ITGAE: variants seen among roughly 807,000 people sequenced by gnomAD.
ITGAE encodes integrin subunit alpha E.
ITGAE carries 99 observed loss-of-function variants against 136.5 expected under a neutral mutation model. That is an observed-to-expected ratio of 0.73 (90% CI 0.62 to 0.86). The LOEUF (loss-of-function observed/expected upper bound fraction) is 0.86. Ranked by LOEUF, ITGAE falls within the 40% of genes least tolerant of loss-of-function variation. The probability of loss-of-function intolerance (pLI) is 0.00; values close to 1 mark genes in which losing one functional copy is unlikely to be tolerated. For synonymous variants in ITGAE, 613 were observed against 591.8 expected, an observed-to-expected ratio of 1.04 and a Z score of -0.52; for missense variants, 1,447 against 1,515.3, an observed-to-expected ratio of 0.95 and a Z score of 0.75.
At chr17:3,778,670 T>A (rs2052599301) in intron 1 of ITGAE, among the ~76,000 whole-genome samples, 1 of 152,218 alleles carries the variant, frequency 6.6e-6, no homozygotes, top group Non-Finnish European at 1.5e-5. Context: ...AATAGGCTCA[T>A]GAATTCTATT....
chr17:3,782,470 C>T (rs900472308), intron 1 of ITGAE, among the ~76,000 whole-genome samples: 1 of 150,750 alleles, frequency 6.6e-6, no homozygotes, highest in Non-Finnish European at 1.5e-5. Context: ...CAGGATCAAG[C>T]GATTCTCCTG....
chr17:3,800,546 C>T (rs2053229891), intron 1 of ITGAE, among the ~76,000 whole-genome samples: 1 of 152,182 alleles, frequency 6.6e-6, no homozygotes, highest in African/African-American at 2.4e-5. Flanking sequence ...AAATGGGACC[C>T]CCCAGGCAGC....
At chr17:3,718,147 T>G (rs936246180) in intron 29 of ITGAE, 8 of 151,868 alleles carry the variant, frequency 5.3e-5, no homozygotes, top group African/African-American at 1.7e-4. Flanking sequence ...TGGATTTTAT[T>G]CAGGAATCAT....
chr17:3,780,803 C>G lies in ITGAE; in HGVS notation c.35-3143G>C, dbSNP rs73318150. On this transcript the variant is annotated intron_variant, in intron 1 of 30. Coordinates refer to ENST00000263087, the MANE Select transcript of ITGAE (RefSeq NM_002208.5). ...ACAGTCTTTACCTCCAGGGCTCAAT[C>G]CATCCTCCCGCCTCAGCCTCTCAAG... is the stretch of plus-strand genomic sequence containing the variant. 3.2e-3 allele frequency among the ~76,000 whole-genome samples: 490 copies of G among 152,112 alleles called. 1 individual carries two copies. Among genetic ancestry groups the G allele is most frequent in the African/African-American group, 0.011 (454 of 41,488 alleles).
chr17:3,723,766 C>A, intron 26 of ITGAE, 22 bp from the exon 27 acceptor site: 1 of 1,604,884 alleles, frequency 6.2e-7, no homozygotes, highest in Non-Finnish European at 8.5e-7. Context: ...GCCATGACCG[C>A]GACGCGCTGA....
intron 1 of ITGAE, among the ~76,000 whole-genome samples, chr17:3,795,774 CGTGTGTGCAT>C (rs919283276): frequency 3.4e-5 from 5 of 148,304 alleles, no homozygotes; most frequent in Non-Finnish European, 7.4e-5. Flanking sequence ...TGTGTACGTG[CGTGTGTGCAT>C]GTGTGTGCAT....
At chr17:3,721,776 T>C (rs2051055884) in intron 28 of ITGAE, 1 of 152,228 alleles carries the variant, frequency 6.6e-6, no homozygotes, top group Non-Finnish European at 1.5e-5. Context: ...CCGGGTGTGG[T>C]GGCTCATGCC....
At chr17:3,737,605 C>T (rs2051487809) in intron 20 of ITGAE, among the ~76,000 whole-genome samples, 1 of 152,164 alleles carries the variant, frequency 6.6e-6, no homozygotes, top group Non-Finnish European at 1.5e-5. Context: ...GCTGGACACA[C>T]ATCTTAGAGC....
intron 1 of ITGAE, among the ~76,000 whole-genome samples, chr17:3,790,885 T>G (rs1412826981): frequency 6.6e-6 from 1 of 152,114 alleles, no homozygotes; most frequent in Non-Finnish European, 1.5e-5. Context: ...CCGGGCATGG[T>G]GGCTCACGCC....
At chr17:3,754,998 T>G in intron 12 of ITGAE, 119 bp downstream of exon 12, 20 of 112,456 alleles carry the variant, frequency 1.8e-4, no homozygotes, top group Non-Finnish European at 2.1e-4. Context: ...GGCCCCACCC[T>G]CGCCCAGGTA....
At chr17:3,720,535 A>G in intron 28 of ITGAE, 133 bp from the exon 29 acceptor site, 1 of 562,152 alleles carries the variant, frequency 1.8e-6, no homozygotes, top group Non-Finnish European at 3.2e-6. Flanking sequence ...CGTACACAAC[A>G]CTACATAAAG....
chr17:3,726,030 G>A (rs2051203282), intron 26 of ITGAE: 2 of 1,614,124 alleles, frequency 1.2e-6, no homozygotes, highest in African/African-American at 2.7e-5. Context: ...GGATGGGATT[G>A]TGGTTTTCTG....
intron 2 of ITGAE, among the ~76,000 whole-genome samples, chr17:3,768,533 G>T (rs1364832877): frequency 6.6e-6 from 1 of 152,094 alleles, no homozygotes; most frequent in African/African-American, 2.4e-5. Context: ...CCTGCCTCAG[G>T]CCCTCCACGG....
intron 1 of ITGAE, among the ~76,000 whole-genome samples, chr17:3,778,810 C>T (rs1435706683): frequency 6.6e-6 from 1 of 152,120 alleles, no homozygotes; most frequent in African/African-American, 2.4e-5. Context: ...CTGGACAAAA[C>T]CTATAAAATG....
intron 15 of ITGAE, among the ~76,000 whole-genome samples, chr17:3,750,697 G>A (rs993509668): frequency 6.6e-5 from 10 of 152,100 alleles, no homozygotes; most frequent in Admixed American, 5.2e-4. Flanking sequence ...GGGAGAGTAA[G>A]GGAAAGAGTG....
At chr17:3,793,817 AT>A (rs2052997966) in intron 1 of ITGAE, among the ~76,000 whole-genome samples, 1 of 152,032 alleles carries the variant, frequency 6.6e-6, no homozygotes, top group African/African-American at 2.4e-5. Flanking sequence ...AAGTGCTGGG[AT>A]TACAGGTGTG....
At chr17:3,791,597 G>A (rs975810655) in intron 1 of ITGAE, among the ~76,000 whole-genome samples, 1 of 152,044 alleles carries the variant, frequency 6.6e-6, no homozygotes, top group East Asian at 1.9e-4. Flanking sequence ...ATGTTCTTTA[G>A]AAATGAAAAT....
intron 26 of ITGAE, 80 bp from the exon 27 acceptor site, chr17:3,723,824 C>A (rs2051122408): frequency 6.4e-7 from 1 of 1,561,416 alleles, no homozygotes; most frequent in Non-Finnish European, 8.7e-7. Context: ...CCGGCCCTGG[C>A]GAGGTGCGCA....
At position 3,716,620 on chromosome 17, in the gene ITGAE, C is replaced by CTT. The variant is rs1223103664; in HGVS notation, c.3444+67_3444+68insAA. 22 of 969,946 alleles carry CTT rather than the reference C, an allele frequency of 2.3e-5. No homozygotes were observed. In the African/African-American group the frequency reaches 2.9e-4, roughly 13 times the overall value. 60.1% of individuals were successfully genotyped at this position (969,946 alleles called of 1,614,324 possible). On this transcript the variant is annotated intron_variant, in intron 30 of 30. Coordinates refer to ENST00000263087, the MANE Select transcript of ITGAE (RefSeq NM_002208.5). ...TGCTCTAAGTCAGAGGTTGGCTGTC[C>CTT]TAAGGAGTTCTGTGCCCAAAACTAG...
Sources: allele counts gnomAD v4.1 joint callset (sites outside exome capture counted in the v4.1 genomes callset), GRCh38; gene constraint gnomAD v4.1.1; transcripts MANE v1.5; gene names NCBI Gene and HGNC (gene_info 2026-07-23, HGNC 2026-07-21).